Variants in MAPK10 observed in about 807,000 individuals in gnomAD.
The protein encoded by MAPK10 is mitogen-activated protein kinase 10.
A neutral mutation model predicts 59.3 loss-of-function variants in MAPK10; 25 were observed. That is an observed-to-expected ratio of 0.42 (90% CI 0.31 to 0.59). MAPK10 has a LOEUF of 0.59. MAPK10 is among the 20% of genes least tolerant of loss of function. The probability of loss-of-function intolerance (pLI) is 0.15; values close to 1 mark genes in which losing one functional copy is unlikely to be tolerated. For missense variants in MAPK10, 351 were observed against 568.9 expected (o/e 0.62, Z 3.90); for synonymous variants, 190 against 200.5 (o/e 0.95, Z 0.44).
At chr4:86,051,543 CTT>C (rs1365101293) in intron 11 of MAPK10, among the ~76,000 whole-genome samples, 2 of 152,138 alleles carry the variant, frequency 1.3e-5, no homozygotes, top group Admixed American at 6.6e-5. Flanking sequence ...ATGTCTATAG[CTT>C]TCATTTAGGG....
At chr4:86,254,768 A>G (rs1192813454) in intron 2 of MAPK10, among the ~76,000 whole-genome samples, 1 of 150,848 alleles carries the variant, frequency 6.6e-6, no homozygotes, top group Non-Finnish European at 1.5e-5. Flanking sequence ...TAATGTTGAC[A>G]GTGGGGTGTT....
intron 4 of MAPK10, among the ~76,000 whole-genome samples, chr4:86,128,960 T>C (rs1471965677): frequency 2.0e-5 from 3 of 152,114 alleles, no homozygotes; most frequent in Admixed American, 6.6e-5. Context: ...TAATGAATAG[T>C]GTAAACAAGA....
intron 3 of MAPK10, among the ~76,000 whole-genome samples, chr4:86,171,821 C>G (rs1177438815): frequency 1.3e-5 from 2 of 150,728 alleles, no homozygotes; most frequent in Non-Finnish European, 2.9e-5. Context: ...TTTTCCCAAC[C>G]TACTCATCTG....
chr4:86,270,947 G>C (rs762668441), intron 2 of MAPK10, among the ~76,000 whole-genome samples: 5 of 151,854 alleles, frequency 3.3e-5, no homozygotes, highest in African/African-American at 9.7e-5. Flanking sequence ...TTTTCAGTTC[G>C]GAAAAATTAT....
intron 11 of MAPK10, among the ~76,000 whole-genome samples, chr4:86,047,755 G>A (rs548991930): frequency 3.3e-5 from 5 of 152,276 alleles, no homozygotes; most frequent in African/African-American, 4.8e-5. Context: ...GGCCTTGCAA[G>A]CCATGATAAG....
In MAPK10 at chr4:86,074,482, C is replaced by G. The variant is rs1375973521; in HGVS notation, c.803-6527G>C. ...GCTCGTTAGTTGATGCAGTTTCTTC[C>G]TAGTCTCGATGGTCTTTACATTTTG... On this transcript the variant is annotated intron_variant, in intron 9 of 13. Coordinates refer to ENST00000641462, the MANE Select transcript of MAPK10 (RefSeq NM_138982.4). Among the ~76,000 whole-genome samples, 3 of 147,176 alleles carry G rather than the reference C, an allele frequency of 2.0e-5. No homozygotes were observed. In the East Asian group the frequency reaches 6.0e-4, roughly 30 times the overall value.
chr4:86,241,254 T>C (rs1409141265), intron 2 of MAPK10, among the ~76,000 whole-genome samples: 1 of 152,192 alleles, frequency 6.6e-6, no homozygotes, highest in Non-Finnish European at 1.5e-5. Context: ...CCTTTCTCTC[T>C]GGCTGCCCTT....
chr4:86,241,286 A>G (rs2092705783), intron 2 of MAPK10, among the ~76,000 whole-genome samples: 1 of 151,322 alleles, frequency 6.6e-6, no homozygotes, highest in South Asian at 2.1e-4. Context: ...CTTCATTTCA[A>G]CCTTGGAGAA....
At chr4:86,470,515 C>A (rs1481566703) in intron 1 of MAPK10, among the ~76,000 whole-genome samples, 1 of 151,362 alleles carries the variant, frequency 6.6e-6, no homozygotes, top group African/African-American at 2.4e-5. Context: ...CCTATATTGT[C>A]TTCTTATTTT....
chr4:86,256,734 C>CTTTTT (rs767737802), intron 2 of MAPK10, among the ~76,000 whole-genome samples: 587 of 59,570 alleles, frequency 9.9e-3, no homozygotes, highest in Non-Finnish European at 0.012. Flanking sequence ...TTCTTTCTTT[C>CTTTTT]TTTTTTTTTT....
chr4:86,291,464 C>T (rs187525301), intron 2 of MAPK10, among the ~76,000 whole-genome samples: 16 of 152,286 alleles, frequency 1.1e-4, no homozygotes, highest in Admixed American at 4.6e-4. Context: ...CCCAAGCATG[C>T]CCCAACTCTG....
chr4:86,056,766 A>C (rs1418771212), intron 11 of MAPK10, among the ~76,000 whole-genome samples: 1 of 149,610 alleles, frequency 6.7e-6, no homozygotes, highest in Non-Finnish European at 1.5e-5. Context: ...AATCTTTAAA[A>C]TATAAATTAA....
chr4:86,497,589 T>TG (rs2149077768), intron 1 of MAPK10, among the ~76,000 whole-genome samples: 2 of 152,242 alleles, frequency 1.3e-5, no homozygotes, highest in Admixed American at 1.3e-4. Flanking sequence ...GTGGGGGCAG[T>TG]GGCAAGTCTA....
chr4:86,044,995 T>C (rs1290685245), intron 11 of MAPK10, among the ~76,000 whole-genome samples: 1 of 152,174 alleles, frequency 6.6e-6, no homozygotes, highest in East Asian at 1.9e-4. Context: ...AGCACTAATG[T>C]TGCTTAGAGA....
chr4:86,347,665 TC>T, intron 2 of MAPK10, among the ~76,000 whole-genome samples: 1 of 152,242 alleles, frequency 6.6e-6, no homozygotes, highest in East Asian at 1.9e-4. Context: ...TACAAATAGA[TC>T]CGGTGTCTGT....
At chr4:86,336,805 T>C (rs1485055693) in intron 2 of MAPK10, among the ~76,000 whole-genome samples, 1 of 147,628 alleles carries the variant, frequency 6.8e-6, no homozygotes, top group African/African-American at 2.5e-5. Flanking sequence ...TTTTTTTTTT[T>C]TTTGAGACGG....
intron 1 of MAPK10, among the ~76,000 whole-genome samples, chr4:86,577,493 A>T (rs990944717): frequency 1.4e-4 from 22 of 152,174 alleles, no homozygotes; most frequent in Non-Finnish European, 2.4e-4. Context: ...CCTAAAGAAC[A>T]AGTACATATT....
At chr4:86,207,812 G>A (rs2084555585) in intron 2 of MAPK10, among the ~76,000 whole-genome samples, 1 of 152,048 alleles carries the variant, frequency 6.6e-6, no homozygotes, top group African/African-American at 2.4e-5. Context: ...TGAAGCAATT[G>A]TGAATGGGAG....
intron 2 of MAPK10, among the ~76,000 whole-genome samples, chr4:86,254,843 A>G (rs1372818259): frequency 6.6e-6 from 1 of 152,038 alleles, no homozygotes; most frequent in Non-Finnish European, 1.5e-5. Flanking sequence ...GACTTAGAAC[A>G]TCTTTTTTTA....
Sources: allele counts gnomAD v4.1 joint callset (sites outside exome capture counted in the v4.1 genomes callset), GRCh38; gene constraint gnomAD v4.1.1; transcripts MANE v1.5; gene names NCBI Gene and HGNC (gene_info 2026-07-23, HGNC 2026-07-21).